Variants in DLG2 observed in about 807,000 individuals in gnomAD.
DLG2 encodes the protein discs large MAGUK scaffold protein 2.
DLG2 carries 45 observed loss-of-function variants against 132.5 expected under a neutral mutation model. The observed-to-expected ratio is 0.34, with a 90% CI of 0.27 to 0.44. The LOEUF (loss-of-function observed/expected upper bound fraction) is 0.44, where lower values mean the gene tolerates loss of function less well. Among genes scored for constraint, DLG2 ranks in the 20% least tolerant of loss-of-function variants. DLG2 has a pLI of 1.00. For synonymous variants in DLG2, 424 were observed against 419.6 expected, an observed-to-expected ratio of 1.01 and a Z score of -0.13; for missense variants, 1,045 against 1,196.9, an observed-to-expected ratio of 0.87 and a Z score of 1.87.
At chr11:84,808,428 A>G (rs1035442428) in intron 6 of DLG2, among the ~76,000 whole-genome samples, 1 of 152,006 alleles carries the variant, frequency 6.6e-6, no homozygotes, top group Non-Finnish European at 1.5e-5. Flanking sequence ...GAAATAGTAA[A>G]ATAAAACCAA....
At chr11:84,508,034 A>C (rs1460860342) in intron 7 of DLG2, among the ~76,000 whole-genome samples, 1 of 152,234 alleles carries the variant, frequency 6.6e-6, no homozygotes, top group Non-Finnish European at 1.5e-5. Flanking sequence ...TATAGCAGTC[A>C]AAATAATCCT....
chr11:83,633,852 T>C (rs970961607), intron 18 of DLG2, among the ~76,000 whole-genome samples: 1 of 151,694 alleles, frequency 6.6e-6, no homozygotes, highest in African/African-American at 2.4e-5. Context: ...TAATATGCAA[T>C]AGTTTTGCAA....
At chr11:84,501,997 A>C (rs2099207335) in intron 7 of DLG2, among the ~76,000 whole-genome samples, 1 of 152,094 alleles carries the variant, frequency 6.6e-6, no homozygotes, top group Non-Finnish European at 1.5e-5. Context: ...TTCATCTGTA[A>C]AATGAGGACA....
At chr11:85,287,769 T>A (rs902661231) in intron 3 of DLG2, among the ~76,000 whole-genome samples, 1 of 152,070 alleles carries the variant, frequency 6.6e-6, no homozygotes, top group Non-Finnish European at 1.5e-5. Flanking sequence ...AGATAAATTG[T>A]GATATGTTCT....
chr11:83,652,609 T>C (rs574419501), intron 18 of DLG2, among the ~76,000 whole-genome samples: 2 of 152,292 alleles, frequency 1.3e-5, no homozygotes, highest in East Asian at 1.9e-4. Context: ...TGGCTTCAAA[T>C]GATCTGCCTG....
intron 6 of DLG2, among the ~76,000 whole-genome samples, chr11:85,107,715 AT>A (rs1028851180): frequency 6.6e-6 from 1 of 151,956 alleles, no homozygotes; most frequent in Admixed American, 6.6e-5. Flanking sequence ...TAAATTTAAA[AT>A]GTAAGGGTAA....
intron 6 of DLG2, among the ~76,000 whole-genome samples, chr11:84,785,027 G>C (rs2072617969): frequency 6.6e-6 from 1 of 151,980 alleles, no homozygotes; most frequent in Admixed American, 6.6e-5. Flanking sequence ...TACGATGTAT[G>C]TATACTTTAA....
intron 6 of DLG2, among the ~76,000 whole-genome samples, chr11:85,036,644 T>G (rs1361095510): frequency 6.6e-6 from 1 of 152,238 alleles, no homozygotes; most frequent in Non-Finnish European, 1.5e-5. Flanking sequence ...TACCATGCAT[T>G]TATTATTCAT....
At chr11:83,913,293 C>T (rs930926262) in intron 15 of DLG2, among the ~76,000 whole-genome samples, 1 of 152,008 alleles carries the variant, frequency 6.6e-6, no homozygotes, top group African/African-American at 2.4e-5. Context: ...GTTGATGGCA[C>T]AGAGCATTTC....
At chr11:84,203,320 C>T (rs546921155) in intron 8 of DLG2, among the ~76,000 whole-genome samples, 15 of 152,136 alleles carry the variant, frequency 9.9e-5, no homozygotes, top group African/African-American at 3.6e-4. Flanking sequence ...TGGTGGCTCA[C>T]GCCTGTAATC....
chr11:83,623,673 C>T (rs1451135821), intron 19 of DLG2, among the ~76,000 whole-genome samples: 1 of 152,182 alleles, frequency 6.6e-6, no homozygotes, highest in Non-Finnish European at 1.5e-5. Flanking sequence ...TCTTTAACTG[C>T]TAATCAAAAA....
intron 6 of DLG2, among the ~76,000 whole-genome samples, chr11:84,944,771 A>AT (rs1415180883): frequency 6.6e-6 from 1 of 151,834 alleles, no homozygotes; most frequent in African/African-American, 2.4e-5. Context: ...TGCCCGGCTA[A>AT]TTTTTTGTAT....
chr11:84,796,045 C>T (rs1364827567), intron 6 of DLG2, among the ~76,000 whole-genome samples: 1 of 152,172 alleles, frequency 6.6e-6, no homozygotes, highest in African/African-American at 2.4e-5. Flanking sequence ...GCCAGATGGG[C>T]AGAACAAACC....
At chr11:84,379,711 T>C (rs1237381133) in intron 7 of DLG2, among the ~76,000 whole-genome samples, 1 of 152,092 alleles carries the variant, frequency 6.6e-6, no homozygotes, top group Non-Finnish European at 1.5e-5. Context: ...CGTAACATTA[T>C]TGAAAGTATC....
intron 14 of DLG2, among the ~76,000 whole-genome samples, chr11:83,931,021 T>C (rs796984292): frequency 5.3e-5 from 8 of 152,332 alleles, no homozygotes; most frequent in African/African-American, 1.9e-4. Context: ...AACTGTGTTG[T>C]TCAAGCTAGG....
At chr11:85,559,818 TGATA>T (rs59676725) in intron 3 of DLG2, among the ~76,000 whole-genome samples, 18,368 of 144,328 alleles carry the variant, frequency 0.13, 1,508 homozygotes, top group African/African-American at 0.2. Context: ...GTTAGATGAT[TGATA>T]GATAGATAGA....
At chr11:84,656,336 G>A (rs2099688207) in intron 6 of DLG2, among the ~76,000 whole-genome samples, 1 of 151,968 alleles carries the variant, frequency 6.6e-6, no homozygotes, top group Non-Finnish European at 1.5e-5. Flanking sequence ...CTTGAGCCAT[G>A]GAAACAAAAA....
At chr11:84,606,324 CAG>C (rs939384849) in intron 6 of DLG2, among the ~76,000 whole-genome samples, 7 of 152,008 alleles carry the variant, frequency 4.6e-5, no homozygotes, top group African/African-American at 1.7e-4. Flanking sequence ...AATTTGTAAA[CAG>C]AGAGTACAGA....
chr11:84,232,652 C>T (rs1351706802), intron 8 of DLG2, among the ~76,000 whole-genome samples: 2 of 152,166 alleles, frequency 1.3e-5, no homozygotes, highest in African/African-American at 4.8e-5. Context: ...TGTGAGGACA[C>T]AGCAGAAGGA....
Sources: allele counts gnomAD v4.1 joint callset (sites outside exome capture counted in the v4.1 genomes callset), GRCh38; gene constraint gnomAD v4.1.1; transcripts MANE v1.5; gene names NCBI Gene and HGNC (gene_info 2026-07-23, HGNC 2026-07-21).